The following GRHL2 variants were observed in gnomAD, a reference collection of about 807,000 sequenced individuals.
GRHL2 encodes grainyhead like transcription factor 2, also known as grainyhead-like protein 2 homolog.
In GRHL2, 21 loss-of-function variants were observed where a neutral mutation model predicts 83.8. That is an observed-to-expected ratio of 0.25 (90% CI 0.18 to 0.36). The LOEUF is 0.36. GRHL2 is among the 10% of genes least tolerant of loss of function. GRHL2 has a pLI of 1.00. For synonymous variants in GRHL2, 280 were observed against 278.9 expected, an observed-to-expected ratio of 1.00 and a Z score of -0.04; for missense variants, 623 against 781.8, an observed-to-expected ratio of 0.80 and a Z score of 2.42.
chr8:101,507,164 C>T (rs189240967), intron 1 of GRHL2, among the ~76,000 whole-genome samples: 297 of 152,252 alleles, frequency 2.0e-3, no homozygotes, highest in African/African-American at 6.5e-3. Flanking sequence ...CTTGTGAGAG[C>T]TCTTTTTGCA....
At chr8:101,677,789 A>G in the GRHL2 span, among the ~76,000 whole-genome samples, 13 of 152,204 alleles carry the variant, frequency 8.5e-5, no homozygotes, top group East Asian at 2.5e-3. Context: ...GGGACCATAC[A>G]TTTTATGTTA....
chr8:101,595,390 TTG>T (rs1812371832), intron 7 of GRHL2, among the ~76,000 whole-genome samples: 1 of 152,244 alleles, frequency 6.6e-6, no homozygotes, highest in Admixed American at 6.5e-5. Flanking sequence ...GGATACATGT[TTG>T]AACAAATTTT....
chr8:101,626,844 C>T (rs1173896177), intron 9 of GRHL2, among the ~76,000 whole-genome samples: 3 of 152,036 alleles, frequency 2.0e-5, no homozygotes, highest in Non-Finnish European at 4.4e-5. Context: ...GTGGAATACT[C>T]GGAAGGTCTT....
intron 7 of GRHL2, among the ~76,000 whole-genome samples, chr8:101,580,100 G>A (rs1714901913): frequency 1.3e-5 from 2 of 152,120 alleles, no homozygotes; most frequent in South Asian, 4.2e-4. Flanking sequence ...AAGTCAGCCA[G>A]GCAGTGACCC....
In GRHL2 at chr8:101,547,244, TTG is replaced by T. The variant is rs549988068; in HGVS notation, c.216+3809_216+3810del. On this transcript the variant is annotated intron_variant, in intron 2 of 15. Coordinates refer to ENST00000646743, the MANE Select transcript of GRHL2 (RefSeq NM_024915.4). ...GAAACACAGCAGTCTGTTTTTTTTT[TTG>T]GTTTAAATGCGTGTAAACTCTGGGA... Among the ~76,000 whole-genome samples the T allele has an allele frequency of 3.2e-3, 452 of 139,724 alleles. 3 individuals are homozygous for T. The highest frequency in any genetic ancestry group is 0.011 in the African/African-American group (427 of 37,460). 91.7% of individuals were successfully genotyped at this position (139,724 alleles called of 152,430 possible).
At position 101,599,039 on chromosome 8, in the gene GRHL2, CT is replaced by C. The variant is rs1554590688; in HGVS notation, c.1004-11del. On this transcript the variant is annotated splice_polypyrimidine_tract_variant and intron_variant, in intron 7 of 15. Transcript: ENST00000646743. ...ACTCTTACTCCTTTAAAAGCTTGTTCTTTTTTTAATGTTACAGCCGATTACA... is the reference window on the plus strand; with the variant it reads ...ACTCTTACTCCTTTAAAAGCTTGTTCTTTTTTAATGTTACAGCCGATTACA... The C allele has an allele frequency of 1.9e-6, 3 of 1,568,986 alleles. No homozygotes were observed. The highest frequency in any genetic ancestry group is 2.6e-6 in the Non-Finnish European group (3 of 1,139,284).
intron 14 of GRHL2, among the ~76,000 whole-genome samples, chr8:101,662,896 G>T (rs1436439973): frequency 6.8e-6 from 1 of 146,810 alleles, no homozygotes; most frequent in Non-Finnish European, 1.5e-5. Flanking sequence ...AATACAAGTG[G>T]GATCACACCA....
the GRHL2 span, among the ~76,000 whole-genome samples, chr8:101,676,807 A>T: frequency 6.6e-6 from 1 of 152,196 alleles, no homozygotes; most frequent in Non-Finnish European, 1.5e-5. Flanking sequence ...ACTTGGAACC[A>T]ACCCAAATGT....
chr8:101,587,813 G>T (rs954394635), intron 7 of GRHL2, among the ~76,000 whole-genome samples: 5 of 152,096 alleles, frequency 3.3e-5, no homozygotes, highest in African/African-American at 1.2e-4. Flanking sequence ...CTATAGAGCC[G>T]GTCTATTCAG....
chr8:101,622,080 A>G (rs1184169733), intron 9 of GRHL2, among the ~76,000 whole-genome samples: 1 of 152,202 alleles, frequency 6.6e-6, no homozygotes. Flanking sequence ...CCAATACAAA[A>G]TAGTTAAGCT....
chr8:101,616,955 A>G (rs555566138), intron 8 of GRHL2, among the ~76,000 whole-genome samples: 1 of 152,170 alleles, frequency 6.6e-6, no homozygotes, highest in Non-Finnish European at 1.5e-5. Context: ...TATATTTAAG[A>G]CACACATCAT....
At chr8:101,590,152 T>C (rs1812250213) in intron 7 of GRHL2, among the ~76,000 whole-genome samples, 1 of 152,172 alleles carries the variant, frequency 6.6e-6, no homozygotes, top group Non-Finnish European at 1.5e-5. Context: ...ATGATGGAAA[T>C]ACTTTAGTGC....
In GRHL2 at chr8:101,608,753, A is replaced by T. The variant is rs867400749; in HGVS notation, c.1098+9602A>T. 6.5e-3 allele frequency among the ~76,000 whole-genome samples: 929 copies of T among 142,054 alleles called. 76 individuals carry two copies. Among genetic ancestry groups the T allele is most frequent in the African/African-American group, 0.024 (812 of 33,868 alleles). The allele number at this position is 142,054 out of a possible 152,430, so 93.2% of individuals were successfully genotyped here. A position where few individuals can be genotyped will look rare whatever the true frequency, so the allele number is the denominator to read the frequency against. ...CACTCTCTCACACACACACACACACACACACACACACACACACACACACAC... is the reference window on the plus strand; with the variant it reads ...CACTCTCTCACACACACACACACACTCACACACACACACACACACACACAC... On this transcript the variant is annotated intron_variant, in intron 8 of 15. Coordinates refer to ENST00000646743, the MANE Select transcript of GRHL2 (RefSeq NM_024915.4).
chr8:101,620,248 A>C (rs1283162862), intron 9 of GRHL2, among the ~76,000 whole-genome samples: 1 of 152,198 alleles, frequency 6.6e-6, no homozygotes, highest in East Asian at 1.9e-4. Context: ...AATTTCATCT[A>C]CAAATACCAT....
intron 12 of GRHL2, among the ~76,000 whole-genome samples, 170 bp downstream of exon 12, chr8:101,637,098 G>A (rs1425650903): frequency 6.6e-6 from 1 of 152,098 alleles, no homozygotes; most frequent in African/African-American, 2.4e-5. Flanking sequence ...GAGGCTGGGG[G>A]CTGGAGGAAT....
In GRHL2 at chr8:101,652,349, G is replaced by GTGGTGTGTGTGTCTGATGT. The variant is rs753862872; in HGVS notation, c.1698+2850_1698+2851insTGGTGTGTGTGTCTGATGT. Among the ~76,000 whole-genome samples, 5 of 62,504 alleles carry GTGGTGTGTGTGTCTGATGT rather than the reference G, an allele frequency of 8.0e-5. 1 individual carries two copies. Among genetic ancestry groups the GTGGTGTGTGTGTCTGATGT allele is most frequent in the African/African-American group, 3.8e-4 (3 of 7,810 alleles). 41.0% of individuals were successfully genotyped at this position (62,504 alleles called of 152,430 possible). A position where few individuals can be genotyped will look rare whatever the true frequency, so the allele number is the denominator to read the frequency against. On this transcript the variant is annotated intron_variant, in intron 14 of 15. Transcript: ENST00000646743. ...GTGTGTGGTGTGTGTGTATGTGTGT[G>GTGGTGTGTGTGTCTGATGT]GTGTGTGTGGTGTGTGTGTGTCTGA...
In GRHL2 at chr8:101,573,709, G is replaced by A. The variant is rs200976297; in HGVS notation, c.776G>A (p.Arg259His). ...ACCCTGGAAGCCACCAAATCTCTCC[G>A]TCAGAAGCAGGGGGAGGGCCCCATG... ...QYTLEATKSL[R>H]QKQGEGPMTY... The change falls in exon 6 of 16, where the codon CGT becomes CAT. Residue 259 changes from arginine (R) to histidine (H), a missense_variant. By Grantham distance (29) the Arg-to-His change is conservative. Coordinates refer to ENST00000646743, the MANE Select transcript of GRHL2 (RefSeq NM_024915.4). 1.7e-5 allele frequency: 27 copies of A among 1,614,016 alleles called. 1 individual carries two copies. In the Admixed American group the frequency reaches 2.2e-4, roughly 13 times the overall value.
intron 2 of GRHL2, among the ~76,000 whole-genome samples, chr8:101,548,770 A>G (rs1054132351): frequency 6.6e-6 from 1 of 152,240 alleles, no homozygotes; most frequent in Non-Finnish European, 1.5e-5. Context: ...GCAAACCCGC[A>G]GGTTAATAAC....
At chr8:101,672,222 G>A (rs1432615977), downstream of GRHL2, among the ~76,000 whole-genome samples, 3 of 151,748 alleles carry the variant, frequency 2.0e-5, no homozygotes, top group Non-Finnish European at 2.9e-5. Flanking sequence ...TTGACGAGCT[G>A]AGAGAAGAAG....
Sources: gnomAD v4.1 joint callset for allele counts (sites outside exome capture counted in the v4.1 genomes callset) on GRCh38, gnomAD v4.1.1 for gene constraint, MANE v1.5 for transcripts, NCBI Gene and HGNC (gene_info 2026-07-23, HGNC 2026-07-21) for gene names.